Variants in ATP11B observed in about 807,000 individuals in gnomAD.
ATP11B encodes ATPase phospholipid transporting 11B (putative).
A neutral mutation model predicts 157.8 loss-of-function variants in ATP11B; 81 were observed. The ratio of observed to expected loss-of-function variants is 0.51; its 90% CI spans 0.43 to 0.62. The LOEUF is 0.62. Ranked by LOEUF, ATP11B falls within the 20% of genes least tolerant of loss-of-function variation. The probability of loss-of-function intolerance (pLI) is 0.00; values close to 1 mark genes in which losing one functional copy is unlikely to be tolerated. For synonymous variants in ATP11B, 451 were observed against 469.4 expected (o/e 0.96, Z 0.51); for missense variants, 1,165 against 1,402.2 (o/e 0.83, Z 2.70).
intron 29 of ATP11B, chr3:182,914,273 G>A: frequency 8.5e-7 from 1 of 1,179,484 alleles, no homozygotes; most frequent in Non-Finnish European, 1.1e-6. Context: ...CTCAGTAGGA[G>A]TGTGTTTATG....
At chr3:182,798,029 T>C (rs568812373) in intron 1 of ATP11B, among the ~76,000 whole-genome samples, 164 of 152,202 alleles carry the variant, frequency 1.1e-3, no homozygotes, top group Middle Eastern at 3.4e-3. Context: ...CTCAGCTGCT[T>C]GGAAGGTTAG....
intron 28 of ATP11B, among the ~76,000 whole-genome samples, chr3:182,905,123 C>T (rs1205143740): frequency 6.6e-6 from 1 of 152,054 alleles, no homozygotes; most frequent in Admixed American, 6.6e-5. Flanking sequence ...AATTATTGGT[C>T]AGTCTTAATC....
rs2108604045 is a variant in ATP11B at position 182,921,307 on chromosome 3, G to GTT, written c.*3204_*3205dup. On this transcript the variant is annotated 3_prime_UTR_variant, in exon 30 of 30. Transcript: ENST00000323116. ...ACATTTTATTTCTATTTTGAAATGA[G>GTT]TTATCTATTTTCATAAAAGTAAAAC... is the stretch of plus-strand genomic sequence containing the variant. 1 of 152,074 alleles carries GTT rather than the reference G, an allele frequency of 6.6e-6. No individual in the cohort carries two copies. Among genetic ancestry groups the GTT allele is most frequent in the South Asian group, 2.1e-4 (1 of 4,820 alleles). The allele number at this position is 152,074 out of a possible 1,614,324, so 9.4% of individuals were successfully genotyped here.
intron 8 of ATP11B, 132 bp from the exon 9 acceptor site, chr3:182,845,326 G>C: frequency 1.4e-6 from 1 of 705,722 alleles, no homozygotes; most frequent in Non-Finnish European, 2.3e-6. Context: ...CTTTATAGTA[G>C]CTGGGATTTT....
At chr3:182,809,539 A>G (rs1380413608) in intron 1 of ATP11B, among the ~76,000 whole-genome samples, 1 of 152,078 alleles carries the variant, frequency 6.6e-6, no homozygotes, top group African/African-American at 2.4e-5. Context: ...GTGAGCCACC[A>G]CGCCCTGCCC....
At chr3:182,872,905 A>G (rs1231007682) in intron 18 of ATP11B, among the ~76,000 whole-genome samples, 1 of 152,216 alleles carries the variant, frequency 6.6e-6, no homozygotes, top group East Asian at 1.9e-4. Flanking sequence ...TGCCACCTGT[A>G]GCTAAAACTA....
intron 1 of ATP11B, among the ~76,000 whole-genome samples, chr3:182,800,067 G>A (rs4859246): frequency 0.12 from 18,616 of 151,796 alleles, 1,293 homozygotes; most frequent in African/African-American, 0.19. Context: ...CTATGATTGT[G>A]CCAGTACATT....
intron 1 of ATP11B, among the ~76,000 whole-genome samples, chr3:182,802,833 A>G (rs561121936): frequency 1.1e-4 from 17 of 152,212 alleles, no homozygotes; most frequent in African/African-American, 3.6e-4. Context: ...AACAAAAGCC[A>G]TTTCTCAACT....
intron 4 of ATP11B, among the ~76,000 whole-genome samples, chr3:182,830,983 C>T (rs936076346): frequency 2.0e-5 from 3 of 152,034 alleles, no homozygotes; most frequent in Non-Finnish European, 2.9e-5. Context: ...CTTTGGACCT[C>T]GTTTCTATAT....
intron 9 of ATP11B, among the ~76,000 whole-genome samples, chr3:182,848,270 C>T (rs746977001): frequency 6.6e-6 from 1 of 152,172 alleles, no homozygotes; most frequent in Non-Finnish European, 1.5e-5. Context: ...ACTCCATGCC[C>T]TCCCCCATTT....
chr3:182,888,252 T>C (rs529445076), intron 24 of ATP11B, among the ~76,000 whole-genome samples: 37 of 152,210 alleles, frequency 2.4e-4, no homozygotes, highest in Non-Finnish European at 4.6e-4. Flanking sequence ...GTACCACTTA[T>C]AGAGTCATCT....
intron 10 of ATP11B, among the ~76,000 whole-genome samples, chr3:182,850,724 C>A (rs1719909534): frequency 1.3e-5 from 2 of 152,006 alleles, no homozygotes; most frequent in Non-Finnish European, 2.9e-5. Flanking sequence ...TCCAACAATC[C>A]CACTACTGGG....
chr3:182,907,094 A>C (rs76520476), intron 28 of ATP11B, among the ~76,000 whole-genome samples: 1 of 67,100 alleles, frequency 1.5e-5, no homozygotes, highest in Admixed American at 1.6e-4. Flanking sequence ...CTCCGTCTCA[A>C]AAAAAAAAAA....
intron 1 of ATP11B, among the ~76,000 whole-genome samples, chr3:182,811,667 G>A (rs141965825): frequency 6.6e-6 from 1 of 152,100 alleles, no homozygotes; most frequent in Non-Finnish European, 1.5e-5. Context: ...GGATAGAAAA[G>A]CCTGTAGAAC....
chr3:182,799,610 A>G (rs1209812169), intron 1 of ATP11B, among the ~76,000 whole-genome samples: 13 of 152,102 alleles, frequency 8.5e-5, no homozygotes, highest in Admixed American at 8.5e-4. Context: ...TAATATTCAT[A>G]ATTAGCTTAG....
At chr3:182,909,829 T>G (rs1008213724) in intron 28 of ATP11B, among the ~76,000 whole-genome samples, 10 of 151,986 alleles carry the variant, frequency 6.6e-5, no homozygotes, top group Non-Finnish European at 1.5e-4. Flanking sequence ...TTTGGGAGGC[T>G]GAGGTGGGCG....
chr3:182,880,437 CTTTT>C (rs1722341173), intron 20 of ATP11B, among the ~76,000 whole-genome samples: 1 of 151,994 alleles, frequency 6.6e-6, no homozygotes, highest in African/African-American at 2.4e-5. Context: ...AGAAATATTT[CTTTT>C]GAGTTCATTG....
At chr3:182,886,539 A>G (rs1449420859) in intron 23 of ATP11B, among the ~76,000 whole-genome samples, 1 of 152,180 alleles carries the variant, frequency 6.6e-6, no homozygotes, top group African/African-American at 2.4e-5. Context: ...CAATAGTTGT[A>G]ATGGGCACAA....
At chr3:182,888,620 A>G (rs1722957272) in intron 24 of ATP11B, among the ~76,000 whole-genome samples, 2 of 152,156 alleles carry the variant, frequency 1.3e-5, no homozygotes, top group Non-Finnish European at 1.5e-5. Context: ...TCCCAGGTTC[A>G]AGCAATCTTC....
Sources: gnomAD v4.1 joint callset for allele counts (sites outside exome capture counted in the v4.1 genomes callset) on GRCh38, gnomAD v4.1.1 for gene constraint, MANE v1.5 for transcripts, NCBI Gene and HGNC (gene_info 2026-07-23, HGNC 2026-07-21) for gene names.